Variants in SLC25A13 observed in about 807,000 individuals in gnomAD.
The protein encoded by SLC25A13 is solute carrier family 25 member 13, also known as electrogenic aspartate/glutamate antiporter SLC25A13, mitochondrial.
A neutral mutation model predicts 85.5 loss-of-function variants in SLC25A13; 70 were observed. The observed-to-expected ratio is 0.82, with a 90% confidence interval of 0.68 to 1.00. The LOEUF (loss-of-function observed/expected upper bound fraction) is 1.00. SLC25A13 is among the 50% of genes least tolerant of loss of function. SLC25A13 has a pLI of 0.00. For synonymous variants in SLC25A13, 259 were observed against 288.7 expected (o/e 0.90, Z 1.04); for missense variants, 765 against 819.8 (o/e 0.93, Z 0.82).
At chr7:96,291,304 CT>C (rs2116980109) in intron 2 of SLC25A13, among the ~76,000 whole-genome samples, 1 of 152,286 alleles carries the variant, frequency 6.6e-6, no homozygotes, top group African/African-American at 2.4e-5. Context: ...ATCTATAGCA[CT>C]AAATGCCCAC....
In SLC25A13 at chr7:96,130,775, A is replaced by T. The variant is rs547902574; in HGVS notation, c.1591+968T>A. ...GCTAATACAACTGAGGTTTCTAAGCAGCCAGGAAACAGTAGCCCTGCCTTA... is the reference window on the plus strand; with the variant it reads ...GCTAATACAACTGAGGTTTCTAAGCTGCCAGGAAACAGTAGCCCTGCCTTA... On this transcript the variant is annotated intron_variant, in intron 15 of 17. Transcript: ENST00000265631. Among the ~76,000 whole-genome samples, 10 of 152,346 alleles carry T rather than the reference A, an allele frequency of 6.6e-5. No individual in the cohort carries two copies. The East Asian group carries it at 1.9e-3, about 29-fold the overall frequency.
intron 15 of SLC25A13, among the ~76,000 whole-genome samples, chr7:96,123,709 G>A (rs1791611836): frequency 6.6e-6 from 1 of 152,166 alleles, no homozygotes; most frequent in Admixed American, 6.5e-5. Context: ...ACATCTTGGT[G>A]GACAGGAGAT....
rs557754803 is a variant in SLC25A13, at chr7:96,186,383, C to T, written c.934-1372G>A. 6.6e-5 allele frequency among the ~76,000 whole-genome samples: 10 copies of T among 152,198 alleles called. No homozygotes were observed. The South Asian group carries it at 1.5e-3, about 22-fold the overall frequency. On this transcript the variant is annotated intron_variant, in intron 9 of 17. Transcript: ENST00000265631. ...GGCGGAGGCTGCAGTGAGCCAAGAT[C>T]GCGCCACTGCACTCCAGCCTGGGCA...
At position 96,292,898 on chromosome 7, in the gene SLC25A13, A is replaced by T. The variant is rs143237613; in HGVS notation, c.69+4000T>A. Among the ~76,000 whole-genome samples, 1,515 of 152,310 alleles carry T rather than the reference A, an allele frequency of 9.9e-3. 30 individuals carry two copies. The highest frequency in any genetic ancestry group is 0.035 in the African/African-American group (1,454 of 41,566). The stretch of plus-strand genomic sequence containing the variant: ...CAATTCCATCCCCATCAAGCTACCA[A>T]TGACTTTCTTCACAGAATTGGAAAA... On this transcript the variant is annotated intron_variant, in intron 2 of 17. Coordinates refer to ENST00000265631, the MANE Select transcript of SLC25A13 (RefSeq NM_014251.3).
chr7:96,270,344 T>A (rs1798190162), intron 3 of SLC25A13, among the ~76,000 whole-genome samples: 3 of 152,114 alleles, frequency 2.0e-5, no homozygotes, highest in African/African-American at 7.2e-5. Flanking sequence ...CTGCTTGAGA[T>A]CAGAAGTTCG....
chr7:96,157,504 T>A (rs995196182), intron 13 of SLC25A13, among the ~76,000 whole-genome samples: 2 of 152,186 alleles, frequency 1.3e-5, no homozygotes, highest in Non-Finnish European at 2.9e-5. Flanking sequence ...ATTTATTTTT[T>A]AAAAACAGAT....
intron 13 of SLC25A13, 54 bp downstream of exon 13, chr7:96,169,991 G>GA (rs992237393): frequency 2.0e-6 from 3 of 1,525,934 alleles, no homozygotes; most frequent in Non-Finnish European, 2.7e-6. Flanking sequence ...CCATGGTAGT[G>GA]ATATATATGT....
chr7:96,264,545 C>G (rs1416512314), intron 3 of SLC25A13, among the ~76,000 whole-genome samples: 1 of 152,164 alleles, frequency 6.6e-6, no homozygotes, highest in African/African-American at 2.4e-5. Context: ...CCTCTTAACA[C>G]AGTTATAAAT....
chr7:96,254,111 G>T (rs1797536309), intron 3 of SLC25A13, among the ~76,000 whole-genome samples: 1 of 152,116 alleles, frequency 6.6e-6, no homozygotes, highest in African/African-American at 2.4e-5. Context: ...GTGTTACCTC[G>T]ATAGCAACAT....
At chr7:96,305,656 C>T (rs1384725505) in intron 1 of SLC25A13, among the ~76,000 whole-genome samples, 1 of 152,134 alleles carries the variant, frequency 6.6e-6, no homozygotes, top group African/African-American at 2.4e-5. Flanking sequence ...AAGTATATGA[C>T]GTATTTATAA....
intron 3 of SLC25A13, among the ~76,000 whole-genome samples, chr7:96,265,792 C>G (rs988244660): frequency 8.5e-5 from 13 of 152,132 alleles, no homozygotes; most frequent in Non-Finnish European, 1.5e-4. Flanking sequence ...TTATAAGTAA[C>G]AGAATTTACT....
chr7:96,250,271 G>GAA (rs1379352693), intron 3 of SLC25A13, among the ~76,000 whole-genome samples: 1 of 152,192 alleles, frequency 6.6e-6, no homozygotes, highest in Non-Finnish European at 1.5e-5. Flanking sequence ...TGAATTACAT[G>GAA]TTCAGCTAAA....
intron 3 of SLC25A13, among the ~76,000 whole-genome samples, chr7:96,256,779 C>T (rs10808098): frequency 0.59 from 89,910 of 152,004 alleles, 27,024 homozygotes; most frequent in Non-Finnish European, 0.64. Context: ...CTTCTCAGCA[C>T]CACATAGCAC....
At chr7:96,257,574 T>C (rs560987752) in intron 3 of SLC25A13, among the ~76,000 whole-genome samples, 26 of 152,262 alleles carry the variant, frequency 1.7e-4, no homozygotes, top group African/African-American at 6.0e-4. Context: ...CAGTAATTAA[T>C]AGCCTACTAA....
Position 96,189,677 on chromosome 7 carries a change from G to A in SLC25A13, c.755-3C>T. On this transcript the variant is annotated splice_polypyrimidine_tract_variant and splice_region_variant and intron_variant, in intron 7 of 17. Transcript: ENST00000265631. ...CTGAGCTGCCAGAACAAACTCCTCTGTATGGAAGAAAAGTTAAAAGGGAAA... is the reference window on the plus strand; with the variant it reads ...CTGAGCTGCCAGAACAAACTCCTCTATATGGAAGAAAAGTTAAAAGGGAAA... 5 of 1,612,430 alleles carry A rather than the reference G, an allele frequency of 3.1e-6. No homozygotes were observed. Among genetic ancestry groups the A allele is most frequent in the Non-Finnish European group, 4.2e-6 (5 of 1,178,696 alleles).
chr7:96,171,404 G>A lies in SLC25A13; in HGVS notation c.1230+68C>T. Reference sequence around the variant, plus strand: ...AAAACAAACCTGCTGTTTCCTATAAGAATACCTGCTAGATTCTTGAGTATG... The same window carrying A: ...AAAACAAACCTGCTGTTTCCTATAAAAATACCTGCTAGATTCTTGAGTATG... On this transcript the variant is annotated intron_variant, in intron 12 of 17. Transcript: ENST00000265631. 5.6e-6 allele frequency: 8 copies of A among 1,420,422 alleles called. No homozygotes were observed. The South Asian group carries it at 9.3e-5, about 16-fold the overall frequency. The allele number at this position is 1,420,422 out of a possible 1,614,324, so 88.0% of individuals were successfully genotyped here.
At position 96,168,837 on chromosome 7, in the gene SLC25A13, T is replaced by C. The variant is rs368282818; in HGVS notation, c.1311+1208A>G. ...CTAGGCTAGGCACAGCCTATGGATA[T>C]ACCTACTCAAAAATTAGAAAACCTA... On this transcript the variant is annotated intron_variant, in intron 13 of 17. Transcript: ENST00000265631. Among the ~76,000 whole-genome samples, 50 of 152,356 alleles carry C rather than the reference T, an allele frequency of 3.3e-4. No individual in the cohort carries two copies. The East Asian group carries it at 9.4e-3, about 29-fold the overall frequency.
chr7:96,294,476 G>C (rs993570871), intron 2 of SLC25A13, among the ~76,000 whole-genome samples: 1 of 151,916 alleles, frequency 6.6e-6, no homozygotes, highest in African/African-American at 2.4e-5. Context: ...AGGCGTGGTG[G>C]TACATGCCTA....
At chr7:96,124,902 G>A (rs192020035) in intron 15 of SLC25A13, among the ~76,000 whole-genome samples, 26 of 152,250 alleles carry the variant, frequency 1.7e-4, no homozygotes, top group African/African-American at 5.5e-4. Flanking sequence ...CAATTAATTA[G>A]CATTTGCATC....
Sources: allele counts gnomAD v4.1 joint callset (sites outside exome capture counted in the v4.1 genomes callset), GRCh38; gene constraint gnomAD v4.1.1; transcripts MANE v1.5; gene names NCBI Gene and HGNC (gene_info 2026-07-23, HGNC 2026-07-21).